The following ILDR2 variants were observed in gnomAD, a reference collection of about 807,000 sequenced individuals.
ILDR2 encodes immunoglobulin-like domain-containing receptor 2.
Under a neutral mutation model 66.8 loss-of-function variants are expected in ILDR2, and 25 were observed. That is an observed-to-expected ratio of 0.37 (90% CI 0.27 to 0.52). The LOEUF (loss-of-function observed/expected upper bound fraction) is 0.52, where lower values mean the gene tolerates loss of function less well. ILDR2 is among the 20% of genes least tolerant of loss of function. The pLI, the probability that ILDR2 is intolerant of heterozygous loss-of-function variation, is 0.88. For missense variants in ILDR2, 827 were observed against 876.8 expected (o/e 0.94, Z 0.72); for synonymous variants, 367 against 357.2 (o/e 1.03, Z -0.31).
chr1:166,970,820 G>A lies in ILDR2; in HGVS notation c.46+4403C>T, dbSNP rs948795654. The stretch of plus-strand genomic sequence containing the variant: ...AGCATCCAGGCTGGGGGACAATGCC[G>A]AGCTGGGAGAGCTGTGCTAAAGTGA... On this transcript the variant is annotated intron_variant, in intron 1 of 9. Coordinates refer to ENST00000271417, the MANE Select transcript of ILDR2 (RefSeq NM_199351.3). Among the ~76,000 whole-genome samples the A allele has an allele frequency of 2.6e-4, 39 of 152,136 alleles. 1 individual carries two copies. Among genetic ancestry groups the A allele is most frequent in the Admixed American group, 1.8e-3 (27 of 15,276 alleles).
Position 166,912,458 on chromosome 1 carries a change from A to C in ILDR2, c.*6897T>G, listed in dbSNP as rs1278357031. On this transcript the variant is annotated 3_prime_UTR_variant, in exon 10 of 10. Transcript: ENST00000271417. Reference sequence around the variant, plus strand: ...GGTGATTCTAAACAAATACTTTATAAATAAAAACAAAAATATTTTATAAAG... The same window carrying C: ...GGTGATTCTAAACAAATACTTTATACATAAAAACAAAAATATTTTATAAAG... The C allele has an allele frequency of 3.9e-5, 6 of 152,346 alleles. No homozygotes were observed. Among genetic ancestry groups the C allele is most frequent in the African/African-American group, 1.4e-4 (6 of 41,600 alleles). 9.4% of individuals were successfully genotyped at this position (152,346 alleles called of 1,614,324 possible).
intron 7 of ILDR2, among the ~76,000 whole-genome samples, 181 bp from the exon 8 acceptor site, chr1:166,922,990 C>A (rs1177381807): frequency 6.6e-6 from 1 of 152,158 alleles, no homozygotes; most frequent in Non-Finnish European, 1.5e-5. Flanking sequence ...GCATTGGCTC[C>A]AGTTTGAAGC....
At chr1:166,907,813 T>C (rs748248119), downstream of ILDR2, among the ~76,000 whole-genome samples, 2 of 152,192 alleles carry the variant, frequency 1.3e-5, no homozygotes, top group Non-Finnish European at 2.9e-5. Context: ...ACAAATTAAA[T>C]GGGAGCTCAC....
chr1:166,909,768 T>TAA lies in ILDR2; in HGVS notation c.*9585_*9586dup, dbSNP rs59003860. ...ATATATATATATATATAAATATATA[T>TAA]AAATATATATATTTATATATATATA... On this transcript the variant is annotated 3_prime_UTR_variant, in exon 10 of 10. Transcript: ENST00000271417. The TAA allele has an allele frequency of 1.5e-5, 1 of 67,640 alleles. No individual in the cohort carries two copies. The highest frequency in any genetic ancestry group is 7.2e-5 in the African/African-American group (1 of 13,820). 4.2% of individuals were successfully genotyped at this position (67,640 alleles called of 1,614,324 possible). A position where few individuals can be genotyped will look rare whatever the true frequency, so the allele number is the denominator to read the frequency against.
intron 1 of ILDR2, among the ~76,000 whole-genome samples, chr1:166,967,433 G>A (rs975867952): frequency 6.6e-6 from 1 of 152,198 alleles, no homozygotes; most frequent in African/African-American, 2.4e-5. Context: ...GGGGAAGGGA[G>A]GGAGGGGAAA....
At chr1:166,941,961 T>C (rs920714948) in intron 3 of ILDR2, among the ~76,000 whole-genome samples, 1 of 152,252 alleles carries the variant, frequency 6.6e-6, no homozygotes, top group Non-Finnish European at 1.5e-5. Context: ...GAGCATGTTA[T>C]ATCGGAAAAA....
rs1417052643 is a variant in ILDR2 at position 166,917,429 on chromosome 1, C to G, written c.*1926G>C. 1 of 152,204 alleles carries G rather than the reference C, an allele frequency of 6.6e-6. No individual in the cohort carries two copies. The highest frequency in any genetic ancestry group is 1.9e-4 in the East Asian group (1 of 5,198). The allele number at this position is 152,204 out of a possible 1,614,324, so 9.4% of individuals were successfully genotyped here. ...AGGGTCTAGCCCCAGTAGGGTGGCT[C>G]TGGAGAAGACCAAAAGGATGGTAAA... On this transcript the variant is annotated 3_prime_UTR_variant, in exon 10 of 10. Coordinates refer to ENST00000271417, the MANE Select transcript of ILDR2 (RefSeq NM_199351.3).
chr1:166,927,868 G>A (rs1020308451), intron 6 of ILDR2, among the ~76,000 whole-genome samples: 9 of 152,154 alleles, frequency 5.9e-5, no homozygotes, highest in African/African-American at 2.2e-4. Flanking sequence ...GACCTGCTGC[G>A]ATGTGGTTAC....
In ILDR2 at chr1:166,927,686, A is replaced by G. The variant is rs564229346; in HGVS notation, c.881-506T>C. ...TTTGAGTTGCCTAGGAGATAATGCA[A>G]AAGTTCCTTAAACTGAGTTGTGTAT... On this transcript the variant is annotated intron_variant, in intron 6 of 9. Transcript: ENST00000271417. Among the ~76,000 whole-genome samples, 4 of 152,368 alleles carry G rather than the reference A, an allele frequency of 2.6e-5. No homozygotes were observed. In the South Asian group the frequency reaches 8.3e-4, roughly 32 times the overall value.
At chr1:166,964,535 T>A (rs1431337831) in intron 1 of ILDR2, among the ~76,000 whole-genome samples, 1 of 152,218 alleles carries the variant, frequency 6.6e-6, no homozygotes, top group Non-Finnish European at 1.5e-5. Context: ...AATGAATGAA[T>A]GAAAACCGAA....
intron 7 of ILDR2, among the ~76,000 whole-genome samples, chr1:166,924,965 G>A (rs910993773): frequency 3.3e-5 from 5 of 152,132 alleles, no homozygotes; most frequent in African/African-American, 1.2e-4. Flanking sequence ...GCAGTGAGCT[G>A]TGTTTGCGCC....
intron 3 of ILDR2, among the ~76,000 whole-genome samples, chr1:166,956,124 T>C (rs554242881): frequency 2.0e-5 from 3 of 152,352 alleles, no homozygotes; most frequent in Non-Finnish European, 4.4e-5. Flanking sequence ...AGGAGATTAA[T>C]ATTAATAAGG....
At chr1:166,967,012 T>C (rs1431601543) in intron 1 of ILDR2, among the ~76,000 whole-genome samples, 1 of 152,260 alleles carries the variant, frequency 6.6e-6, no homozygotes, top group African/African-American at 2.4e-5. Context: ...ATGGAGACAC[T>C]AACCATCTCC....
chr1:166,926,943 C>G (rs752105649), intron 7 of ILDR2, 124 bp downstream of exon 7: 22 of 594,684 alleles, frequency 3.7e-5, no homozygotes, highest in Non-Finnish European at 6.4e-5. Context: ...AGTAGTGTCA[C>G]CAGCACCCCT....
intron 7 of ILDR2, among the ~76,000 whole-genome samples, chr1:166,924,200 G>A (rs1660137002): frequency 6.6e-6 from 1 of 152,148 alleles, no homozygotes; most frequent in Non-Finnish European, 1.5e-5. Context: ...CTAAGAAGAA[G>A]GGACTATGCC....
intron 3 of ILDR2, chr1:166,943,919 C>G (rs1571159698): frequency 1.2e-6 from 1 of 845,758 alleles, no homozygotes; most frequent in Non-Finnish European, 1.4e-6. Flanking sequence ...CTCAAACTAT[C>G]AGAGGAAAAT....
intron 3 of ILDR2, among the ~76,000 whole-genome samples, chr1:166,947,946 T>A (rs1198734081): frequency 6.6e-6 from 1 of 152,158 alleles, no homozygotes; most frequent in Non-Finnish European, 1.5e-5. Context: ...ATTTGTTCTC[T>A]TAACACAGGG....
chr1:166,971,950 A>T (rs1170546363), intron 1 of ILDR2, among the ~76,000 whole-genome samples: 2 of 152,174 alleles, frequency 1.3e-5, no homozygotes, highest in African/African-American at 2.4e-5. Flanking sequence ...GGTGGCTCAC[A>T]TCTGTAATCC....
Position 166,935,296 on chromosome 1 carries a change from T to C in ILDR2, c.880+5A>G, listed in dbSNP as rs1404713344. 6.2e-7 allele frequency: 1 copy of C among 1,613,746 alleles called. No homozygotes were observed. The highest frequency in any genetic ancestry group is 1.7e-5 in the Admixed American group (1 of 59,980). ...ATGGGCAGGGCAGTCTGGAACTACA[T>C]TTACCACTGTGGCTTCCTCCAGTGG... On this transcript the variant is annotated splice_donor_5th_base_variant and intron_variant, in intron 6 of 9. Transcript: ENST00000271417.
Sources: gnomAD v4.1 joint callset for allele counts (sites outside exome capture counted in the v4.1 genomes callset) on GRCh38, gnomAD v4.1.1 for gene constraint, MANE v1.5 for transcripts, NCBI Gene and HGNC (gene_info 2026-07-23, HGNC 2026-07-21) for gene names.